The following SGCD variants were observed in gnomAD, a reference collection of about 807,000 sequenced individuals.
SGCD encodes the protein delta-sarcoglycan.
SGCD carries 18 observed loss-of-function variants against 36.6 expected under a neutral mutation model. That is an observed-to-expected ratio of 0.49 (90% CI 0.34 to 0.73). The LOEUF is 0.73. Among genes scored for constraint, SGCD ranks in the 30% least tolerant of loss-of-function variants. SGCD has a pLI of 0.01. For missense variants in SGCD, 387 were observed against 346.7 expected (o/e 1.12, Z -0.92); for synonymous variants, 133 against 130.6 (o/e 1.02, Z -0.12).
At chr5:156,648,121 A>C (rs1763300880) in intron 7 of SGCD, among the ~76,000 whole-genome samples, 1 of 152,146 alleles carries the variant, frequency 6.6e-6, no homozygotes, top group Non-Finnish European at 1.5e-5. Context: ...AGAGAGCCTG[A>C]AAACCATTCC....
chr5:156,262,621 T>G (rs1324081005), intron 3 of SGCD, among the ~76,000 whole-genome samples: 1 of 152,116 alleles, frequency 6.6e-6, no homozygotes, highest in Non-Finnish European at 1.5e-5. Context: ...TTGTTAGATT[T>G]TGGTGCGCTC....
At chr5:156,673,590 C>T (rs1369668490) in intron 7 of SGCD, among the ~76,000 whole-genome samples, 1 of 152,094 alleles carries the variant, frequency 6.6e-6, no homozygotes, top group Admixed American at 6.6e-5. Context: ...TTTTCCTTGC[C>T]TGGCATCTGG....
chr5:155,968,168 G>A (rs1757938678), intron 1 of SGCD, among the ~76,000 whole-genome samples: 1 of 152,042 alleles, frequency 6.6e-6, no homozygotes, highest in Non-Finnish European at 1.5e-5. Context: ...TGATCAAAAT[G>A]TGTGTTTTGT....
At chr5:156,212,349 CT>C (rs2127641562) in intron 3 of SGCD, among the ~76,000 whole-genome samples, 1 of 152,110 alleles carries the variant, frequency 6.6e-6, no homozygotes, top group East Asian at 1.9e-4. Flanking sequence ...GCAAGGGTAG[CT>C]ATACTTAGAT....
chr5:156,400,169 T>C (rs182559511), intron 3 of SGCD, among the ~76,000 whole-genome samples: 1 of 152,318 alleles, frequency 6.6e-6, no homozygotes, highest in Non-Finnish European at 1.5e-5. Flanking sequence ...AAACACACAT[T>C]ACTGGACTCT....
chr5:156,321,225 C>T (rs1363712662), intron 3 of SGCD, among the ~76,000 whole-genome samples: 3 of 152,248 alleles, frequency 2.0e-5, no homozygotes, highest in Admixed American at 1.3e-4. Context: ...CGAGACCATC[C>T]TGGCTAACAT....
rs1037560264 is a variant in SGCD, at chr5:156,743,043, G to A, written c.576-14538G>A. ...ACCATCACAGGAATATTTTTTGCCCGCTTATACCACCAATCCATTTAAAAT... is the reference window on the plus strand; with the variant it reads ...ACCATCACAGGAATATTTTTTGCCCACTTATACCACCAATCCATTTAAAAT... On this transcript the variant is annotated intron_variant, in intron 7 of 8. Coordinates refer to ENST00000337851, the MANE Select transcript of SGCD (RefSeq NM_000337.6). Among the ~76,000 whole-genome samples, 7 of 150,682 alleles carry A rather than the reference G, an allele frequency of 4.6e-5. No individual in the cohort carries two copies. The South Asian group carries it at 6.3e-4, about 14-fold the overall frequency.
intron 1 of SGCD, among the ~76,000 whole-genome samples, chr5:155,954,931 G>A (rs749152256): frequency 1.3e-5 from 2 of 152,146 alleles, no homozygotes; most frequent in Non-Finnish European, 2.9e-5. Context: ...GCAAGTTGCA[G>A]TCTGAAAGCA....
intron 3 of SGCD, among the ~76,000 whole-genome samples, chr5:156,250,590 A>T: frequency 6.6e-6 from 1 of 152,150 alleles, no homozygotes; most frequent in Admixed American, 6.5e-5. Context: ...ATAAAGAAAA[A>T]AAAGGGAAAG....
At chr5:156,268,666 CA>C (rs1405196403) in intron 3 of SGCD, among the ~76,000 whole-genome samples, 1 of 152,096 alleles carries the variant, frequency 6.6e-6, no homozygotes, top group Non-Finnish European at 1.5e-5. Flanking sequence ...AACCTCGGCT[CA>C]CTGTTACCTC....
intron 3 of SGCD, among the ~76,000 whole-genome samples, chr5:156,183,950 T>C (rs1763669778): frequency 6.6e-6 from 1 of 152,200 alleles, no homozygotes; most frequent in Non-Finnish European, 1.5e-5. Flanking sequence ...ACCTCAGCTT[T>C]CAGTAGGGTT....
chr5:155,880,602 A>G (rs962542039), intron 1 of SGCD, among the ~76,000 whole-genome samples: 1 of 152,120 alleles, frequency 6.6e-6, no homozygotes, highest in African/African-American at 2.4e-5. Context: ...TAATATTACC[A>G]TGTATTGGGA....
chr5:156,075,916 A>G (rs143117927), intron 1 of SGCD, among the ~76,000 whole-genome samples: 283 of 152,294 alleles, frequency 1.9e-3, no homozygotes, highest in Middle Eastern at 6.8e-3. Context: ...GCTATTCAAA[A>G]GCTGTTTTAG....
intron 3 of SGCD, among the ~76,000 whole-genome samples, chr5:156,456,759 A>T (rs117838827): frequency 0.038 from 5,769 of 152,254 alleles, 164 homozygotes; most frequent in East Asian, 0.14. Context: ...CCATAAGATT[A>T]TAAATTTCCA....
intron 3 of SGCD, among the ~76,000 whole-genome samples, chr5:156,432,991 C>T (rs1753089990): frequency 6.6e-6 from 1 of 152,162 alleles, no homozygotes. Flanking sequence ...ACTTCCTGCT[C>T]ACTCACAGAT....
the SGCD span, among the ~76,000 whole-genome samples, chr5:155,744,881 T>C: frequency 1.3e-5 from 2 of 152,158 alleles, no homozygotes; most frequent in Non-Finnish European, 2.9e-5. Flanking sequence ...TTTGCAAATA[T>C]AGGAAGTTCA....
chr5:156,196,842 T>C (rs143349285), intron 3 of SGCD, among the ~76,000 whole-genome samples: 5 of 152,198 alleles, frequency 3.3e-5, no homozygotes, highest in African/African-American at 7.2e-5. Context: ...CACACTAAAC[T>C]ATGGCCAGAA....
chr5:156,071,216 T>C (rs1760550403), intron 1 of SGCD, among the ~76,000 whole-genome samples: 1 of 152,232 alleles, frequency 6.6e-6, no homozygotes. Context: ...CTCTTAATTG[T>C]GATGTTAGGG....
At chr5:155,895,534 T>A (rs1221933597) in intron 1 of SGCD, among the ~76,000 whole-genome samples, 1 of 152,192 alleles carries the variant, frequency 6.6e-6, no homozygotes, top group Non-Finnish European at 1.5e-5. Flanking sequence ...GACATTGCAA[T>A]CTGCTGTCAT....
Sources: gnomAD v4.1 joint callset for allele counts (sites outside exome capture counted in the v4.1 genomes callset) on GRCh38, gnomAD v4.1.1 for gene constraint, MANE v1.5 for transcripts, NCBI Gene and HGNC (gene_info 2026-07-23, HGNC 2026-07-21) for gene names.